The following PANK4 variants were observed in gnomAD, a reference collection of about 807,000 sequenced individuals.
PANK4 encodes 4'-phosphopantetheine phosphatase.
Under a neutral mutation model 87.9 loss-of-function variants are expected in PANK4, and 40 were observed. The observed-to-expected ratio is 0.46, with a 90% CI of 0.35 to 0.59. The LOEUF is 0.59. Ranked by LOEUF, PANK4 falls within the 20% of genes least tolerant of loss-of-function variation. The pLI is 0.00. For synonymous variants in PANK4, 524 were observed against 467.4 expected, an observed-to-expected ratio of 1.12 and a Z score of -1.56; for missense variants, 926 against 1,072.3, an observed-to-expected ratio of 0.86 and a Z score of 1.90.
Position 2,514,430 on chromosome 1 carries a change from CAG to C in PANK4, c.1409_1410del (p.Ser470CysfsTer109). The C allele has an allele frequency of 1.2e-6, 2 of 1,612,044 alleles. No homozygotes were observed. The highest frequency in any genetic ancestry group is 1.7e-6 in the Non-Finnish European group (2 of 1,179,902). On this transcript the variant is annotated frameshift_variant, in exon 11 of 19. Transcript: ENST00000378466. LOFTEE classifies it high-confidence loss of function. Reference sequence around the variant, plus strand: ...TTCTCCGCCCTCTCGGCTGCATCCACAGAGTCTGGCTGGCTCGCCACTGCGCG... The same window carrying C: ...TTCTCCGCCCTCTCGGCTGCATCCACAGTCTGGCTGGCTCGCCACTGCGCG... ...VKRAVASQPDSVDAAERAEKF... is the reference protein window; with the variant it reads ...VKRAVASQPDXVDAAERAEKF...
In PANK4 at chr1:2,520,295, G is replaced by A. The variant is rs750733928; in HGVS notation, c.699+27C>T. 6.8e-5 allele frequency: 109 copies of A among 1,593,640 alleles called. No individual in the cohort carries two copies. In the Middle Eastern group the frequency reaches 2.0e-3, roughly 29 times the overall value. On this transcript the variant is annotated intron_variant, in intron 5 of 18. Coordinates refer to ENST00000378466, the MANE Select transcript of PANK4 (RefSeq NM_018216.4). This position sits in a 1 kb window ranked among gnomAD's most constrained non-coding sequence, Gnocchi z 6.2. ...GAAGCAGACATCTCCGCAGACCCCTGGAAGGTCTCTGGCAGCTGCCGCATA... is the reference window on the plus strand; with the variant it reads ...GAAGCAGACATCTCCGCAGACCCCTAGAAGGTCTCTGGCAGCTGCCGCATA...
In PANK4 at chr1:2,509,734, G is replaced by T. The variant is rs953091084; in HGVS notation, c.2108+128C>A. On this transcript the variant is annotated intron_variant, in intron 18 of 18. Transcript: ENST00000378466. The surrounding 1 kb of genome is among the most constrained non-coding windows in gnomAD (Gnocchi z 4.9). ...CTGTCCCCTCCTGAGATCAATCCGGGCCTGGGGTCAGGAGAGGCCGCAGGG... is the reference window on the plus strand; with the variant it reads ...CTGTCCCCTCCTGAGATCAATCCGGTCCTGGGGTCAGGAGAGGCCGCAGGG... The T allele has an allele frequency of 3.8e-6, 3 of 780,150 alleles. No homozygotes were observed. Among genetic ancestry groups the T allele is most frequent in the African/African-American group, 1.7e-5 (1 of 58,816 alleles). The allele number at this position is 780,150 out of a possible 1,614,324, so 48.3% of individuals were successfully genotyped here.
In PANK4 at chr1:2,508,608, CTATT is replaced by C. The variant is rs1643606032; in HGVS notation, c.*235_*238del. 4.5e-6 allele frequency: 1 copy of C among 223,596 alleles called. No individual in the cohort carries two copies. Among genetic ancestry groups the C allele is most frequent in the Non-Finnish European group, 7.7e-6 (1 of 129,676 alleles). 13.9% of individuals were successfully genotyped at this position (223,596 alleles called of 1,614,324 possible). A position where few individuals can be genotyped will look rare whatever the true frequency, so the allele number is the denominator to read the frequency against. On this transcript the variant is annotated 3_prime_UTR_variant, in exon 19 of 19. Coordinates refer to ENST00000378466, the MANE Select transcript of PANK4 (RefSeq NM_018216.4). The surrounding 1 kb of genome is among the most constrained non-coding windows in gnomAD (Gnocchi z 5.1). ...GTCAGACATACCTGTATAGATCTCT[CTATT>C]TATATATATATATATATAAAAGGTT...
Position 2,511,368 on chromosome 1 carries a change from A to G in PANK4, c.1803T>C (p.Asp601=), listed in dbSNP as rs778723611. ...RKLQERPWLV[D]SYSEWLQRLK... is the part of the protein sequence containing the mutation. ...ATCTCTGAAGCCACTCGCTGTAGGA[A>G]TCCACGAGCCAGGGTCTTTCTGAGA... Residue 601 remains aspartate (D), a synonymous_variant, in exon 15 of 19, where the codon GAT becomes GAC. Coordinates refer to ENST00000378466, the MANE Select transcript of PANK4 (RefSeq NM_018216.4). 1.4e-5 allele frequency: 22 copies of G among 1,611,062 alleles called. No homozygotes were observed. Among genetic ancestry groups the G allele is most frequent in the Non-Finnish European group, 1.9e-5 (22 of 1,178,328 alleles).
At chr1:2,524,101 T>A (rs1643900425) in intron 1 of PANK4, among the ~76,000 whole-genome samples, 1 of 152,240 alleles carries the variant, frequency 6.6e-6, no homozygotes, top group South Asian at 2.1e-4. Context: ...CTGTCTCACC[T>A]GCCTCTGAGG....
At position 2,509,962 on chromosome 1, in the gene PANK4, G is replaced by C; in HGVS notation, c.2040-32C>G. ...GATACAAGGTGGTCAGTGCCCCCAGGAGCTCCCAGTTCAGTGACAATCCCC... is the reference window on the plus strand; with the variant it reads ...GATACAAGGTGGTCAGTGCCCCCAGCAGCTCCCAGTTCAGTGACAATCCCC... On this transcript the variant is annotated intron_variant, in intron 17 of 18. Transcript: ENST00000378466. The surrounding 1 kb of genome is among the most constrained non-coding windows in gnomAD (Gnocchi z 4.9). 6.2e-7 allele frequency: 1 copy of C among 1,601,206 alleles called. No individual in the cohort carries two copies. The highest frequency in any genetic ancestry group is 8.5e-7 in the Non-Finnish European group (1 of 1,173,560).
chr1:2,522,066 C>T (rs1048460962), intron 1 of PANK4: 9 of 522,434 alleles, frequency 1.7e-5, no homozygotes, highest in African/African-American at 1.5e-4. Context: ...CCCTTGGCAC[C>T]AAGTCCTGCA....
rs751451070 is a variant in PANK4 at position 2,519,333 on chromosome 1, G to A, written c.854-9C>T. On this transcript the variant is annotated splice_polypyrimidine_tract_variant and intron_variant, in intron 6 of 18. Transcript: ENST00000378466. The surrounding 1 kb of genome is among the most constrained non-coding windows in gnomAD (Gnocchi z 8.3). ...GTCTTCTTTGGAGAACTCTGAGGAA[G>A]GGAAGGAAAAGGCACTCATCTCCAA... is the stretch of plus-strand genomic sequence containing the variant. 6.3e-6 allele frequency: 10 copies of A among 1,597,368 alleles called. No individual in the cohort carries two copies. The highest frequency in any genetic ancestry group is 7.7e-6 in the Non-Finnish European group (9 of 1,169,052).
rs1023335998 is a variant in PANK4, at chr1:2,510,861, G to A, written c.1834-79C>T. 44 of 862,228 alleles carry A rather than the reference G, an allele frequency of 5.1e-5. No individual in the cohort carries two copies. Among genetic ancestry groups the A allele is most frequent in the East Asian group, 7.3e-5 (3 of 41,192 alleles). 53.4% of individuals were successfully genotyped at this position (862,228 alleles called of 1,614,324 possible). On this transcript the variant is annotated intron_variant, in intron 15 of 18. Coordinates refer to ENST00000378466, the MANE Select transcript of PANK4 (RefSeq NM_018216.4). This position sits in a 1 kb window ranked among gnomAD's most constrained non-coding sequence, Gnocchi z 4.9. ...AGTCCGCACCCCTGCTGCCCGTCAC[G>A]CTGCCCTGCAGGGGCCGAGACTGGG...
In PANK4 at chr1:2,508,910, C is replaced by T. The variant is rs1293094248; in HGVS notation, c.2259G>A (p.Leu753=). The T allele has an allele frequency of 6.2e-7, 1 of 1,610,144 alleles. No homozygotes were observed. The highest frequency in any genetic ancestry group is 1.3e-5 in the African/African-American group (1 of 74,874). The change falls in exon 19 of 19, where the codon CTG becomes CTA. Residue 753 remains leucine (L), a synonymous_variant. Transcript: ENST00000378466. The surrounding 1 kb of genome is among the most constrained non-coding windows in gnomAD (Gnocchi z 5.1). ...AGAGCCGGCCGCCCAGCCGCTCGGC[C>T]AGCCACGCGTTCTTGATGACGGCCA... is the stretch of plus-strand genomic sequence containing the variant. The part of the protein sequence containing the change: ...LKLAVIKNAW[L]AERLGGRLFS...
chr1:2,514,521 T>C (rs929988796), intron 10 of PANK4, 55 bp from the exon 11 acceptor site: 3 of 923,364 alleles, frequency 3.2e-6, no homozygotes, highest in Non-Finnish European at 1.5e-6. Flanking sequence ...TGCTTGCGAA[T>C]CCCCACGTGA....
rs563707155 is a variant in PANK4, at chr1:2,514,026, G to A, written c.1551C>T (p.Phe517=). ...CTTTGGAGTAGGGATCCGGGAAGTT[G>A]AACTCGTTCAGACAGTGCTCCCTGG... ...LDTREHCLNE[F]NFPDPYSKVK... The change falls in exon 12 of 19, where the codon TTC becomes TTT. Residue 517 remains phenylalanine, a synonymous_variant. Coordinates refer to ENST00000378466, the MANE Select transcript of PANK4 (RefSeq NM_018216.4). 3 of 1,612,704 alleles carry A rather than the reference G, an allele frequency of 1.9e-6. No individual in the cohort carries two copies. The highest frequency in any genetic ancestry group is 1.1e-5 in the South Asian group (1 of 91,086).
chr1:2,520,577 C>T lies in PANK4; in HGVS notation c.606+146G>A. 1 of 1,024,104 alleles carries T rather than the reference C, an allele frequency of 9.8e-7. No individual in the cohort carries two copies. The highest frequency in any genetic ancestry group is 1.5e-6 in the Non-Finnish European group (1 of 679,660). 63.4% of individuals were successfully genotyped at this position (1,024,104 alleles called of 1,614,324 possible). On this transcript the variant is annotated intron_variant, in intron 4 of 18. Coordinates refer to ENST00000378466, the MANE Select transcript of PANK4 (RefSeq NM_018216.4). This position sits in a 1 kb window ranked among gnomAD's most constrained non-coding sequence, Gnocchi z 6.2. ...CCTGGGGGCGCTGATGCCCCTCCCA[C>T]AGAGGCTCTGAGCTCACAGCCTCGC... is the stretch of plus-strand genomic sequence containing the variant.
chr1:2,518,105 G>A (rs1452356055), intron 9 of PANK4, 59 bp downstream of exon 9: 34 of 1,038,632 alleles, frequency 3.3e-5, no homozygotes, highest in East Asian at 3.2e-4. Context: ...GGACAGGCGA[G>A]GTGAGTGCGG....
rs1176126607 is a variant in PANK4, at chr1:2,515,279, C to T, written c.1374+283G>A. On this transcript the variant is annotated intron_variant, in intron 10 of 18. Transcript: ENST00000378466. This position sits in a 1 kb window ranked among gnomAD's most constrained non-coding sequence, Gnocchi z 5.0. ...ACACCTCAAAAGAGCAGAGACGTCT[C>T]CTAAATTGCTTTTTGAAGGAATGTG... 3.1e-6 allele frequency: 2 copies of T among 638,506 alleles called. No homozygotes were observed. The highest frequency in any genetic ancestry group is 2.9e-6 in the Non-Finnish European group (1 of 344,520). The allele number at this position is 638,506 out of a possible 1,614,324, so 39.6% of individuals were successfully genotyped here.
Position 2,520,581 on chromosome 1 carries a change from G to T in PANK4, c.606+142C>A. 1 of 1,017,722 alleles carries T rather than the reference G, an allele frequency of 9.8e-7. No homozygotes were observed. The highest frequency in any genetic ancestry group is 1.5e-6 in the Non-Finnish European group (1 of 675,798). The allele number at this position is 1,017,722 out of a possible 1,614,324, so 63.0% of individuals were successfully genotyped here. On this transcript the variant is annotated intron_variant, in intron 4 of 18. Coordinates refer to ENST00000378466, the MANE Select transcript of PANK4 (RefSeq NM_018216.4). This position sits in a 1 kb window ranked among gnomAD's most constrained non-coding sequence, Gnocchi z 6.2. ...GGGGCGCTGATGCCCCTCCCACAGA[G>T]GCTCTGAGCTCACAGCCTCGCCACC...
intron 13 of PANK4, 166 bp downstream of exon 13, chr1:2,512,698 GGGCGCTGCGCCCTGCCCAGCCCCT>G (rs1243500031): frequency 7.9e-5 from 48 of 608,774 alleles, no homozygotes; most frequent in South Asian, 7.4e-4. Context: ...GGACAGACAA[GGGCGCTGCGCCCTGCCCAGCCCCT>G]GGCGCTGCTG....
At position 2,509,308 on chromosome 1, in the gene PANK4, G is replaced by A. The variant is rs1643620054; in HGVS notation, c.2109-248C>T. Among the ~76,000 whole-genome samples, 1 of 152,212 alleles carries A rather than the reference G, an allele frequency of 6.6e-6. No individual in the cohort carries two copies. Among genetic ancestry groups the A allele is most frequent in the Non-Finnish European group, 1.5e-5 (1 of 68,032 alleles). On this transcript the variant is annotated intron_variant, in intron 18 of 18. Coordinates refer to ENST00000378466, the MANE Select transcript of PANK4 (RefSeq NM_018216.4). The surrounding 1 kb of genome is among the most constrained non-coding windows in gnomAD (Gnocchi z 4.9). ...AGATCTCCTGTGAACTCTAGGGATG[G>A]ATTCCTTGTCATTTTCACGCCCTCC...
chr1:2,508,863 T>C lies in PANK4; in HGVS notation c.2306A>G (p.Glu769Gly). 2 of 1,597,724 alleles carry C rather than the reference T, an allele frequency of 1.3e-6. No homozygotes were observed. Among genetic ancestry groups the C allele is most frequent in the Non-Finnish European group, 1.7e-6 (2 of 1,170,150 alleles). The stretch of plus-strand genomic sequence containing the variant: ...TGCAGCGCCTCACTCGGCTGGGACC[T>C]CGTACTTGAAGATGACGCTGAAGAG... ...GRLFSVIFKY[E>G]VPAE The change falls in exon 19 of 19, where the codon GAG becomes GGG. Residue 769 changes from glutamate to glycine, a missense_variant. By Grantham distance (98) the Glu-to-Gly change is moderately conservative. Transcript: ENST00000378466. The surrounding 1 kb of genome is among the most constrained non-coding windows in gnomAD (Gnocchi z 5.1).
Sources: gnomAD v4.1 joint callset for allele counts (sites outside exome capture counted in the v4.1 genomes callset) on GRCh38, gnomAD v4.1.1 for gene constraint, Gnocchi (gnomAD v3.1) non-coding constraint, MANE v1.5 for transcripts, NCBI Gene and HGNC (gene_info 2026-07-23, HGNC 2026-07-21) for gene names.